HNRNPD: variants seen among roughly 807,000 people sequenced by gnomAD.
The protein encoded by HNRNPD is heterogeneous nuclear ribonucleoprotein D0.
Under a neutral mutation model 47.9 loss-of-function variants are expected in HNRNPD, and 3 were observed. The ratio of observed to expected loss-of-function variants is 0.06; its 90% confidence interval spans 0.03 to 0.16. The LOEUF is 0.16. Among genes scored for constraint, HNRNPD ranks in the 10% least tolerant of loss-of-function variants. HNRNPD has a pLI of 1.00. For missense variants in HNRNPD, 287 were observed against 454.2 expected, an observed-to-expected ratio of 0.63 and a Z score of 3.35; for synonymous variants, 171 against 165.1, an observed-to-expected ratio of 1.04 and a Z score of -0.28.
intron 2 of HNRNPD, among the ~76,000 whole-genome samples, chr4:82,362,666 A>G (rs2556544): frequency 0.38 from 57,837 of 151,954 alleles, 13,222 homozygotes; most frequent in South Asian, 0.65. Flanking sequence ...GCAGTGGCAC[A>G]ATCTCAGCTC....
chr4:82,373,068 G>A, intron 1 of HNRNPD: 1 of 476,682 alleles, frequency 2.1e-6, no homozygotes, highest in South Asian at 1.5e-5. Context: ...TTATGCCCAA[G>A]ACTGTAGAAA....
At chr4:82,363,017 T>C (rs1307419994) in intron 2 of HNRNPD, among the ~76,000 whole-genome samples, 1 of 147,802 alleles carries the variant, frequency 6.8e-6, no homozygotes, top group Non-Finnish European at 1.5e-5. Context: ...GATGGCATAA[T>C]GATTTTATAT....
At chr4:82,358,583 G>C in intron 4 of HNRNPD, 76 bp downstream of exon 4, 1 of 1,337,500 alleles carries the variant, frequency 7.5e-7, no homozygotes, top group Non-Finnish European at 1.0e-6. Flanking sequence ...AAAGCCAAGT[G>C]ACTCTGAGTC....
chr4:82,373,275 A>T (rs1720177240), intron 1 of HNRNPD, 171 bp downstream of exon 1: 1 of 875,986 alleles, frequency 1.1e-6, no homozygotes, highest in African/African-American at 1.7e-5. Context: ...CAAAGGAAGA[A>T]GGAAATGAAG....
chr4:82,360,437 G>T (rs13136755), intron 2 of HNRNPD, among the ~76,000 whole-genome samples: 1 of 151,756 alleles, frequency 6.6e-6, no homozygotes, highest in Non-Finnish European at 1.5e-5. Context: ...AGAAAGTTCA[G>T]ATCTGGCAGC....
At position 82,352,663 on chromosome 4, in the gene HNRNPD, G is replaced by A. The variant is rs961360688; in HGVS notation, c.*1522C>T. On this transcript the variant is annotated 3_prime_UTR_variant, in exon 9 of 9. Transcript: ENST00000313899. ...AGACTGTAAATTATTTTGCTTTGCA[G>A]GTCTCTGTCCTAACTACTAAACTCT... 1.3e-5 allele frequency: 2 copies of A among 152,108 alleles called. No individual in the cohort carries two copies. Among genetic ancestry groups the A allele is most frequent in the African/African-American group, 2.4e-5 (1 of 41,408 alleles). 9.4% of individuals were successfully genotyped at this position (152,108 alleles called of 1,614,324 possible).
intron 4 of HNRNPD, chr4:82,358,003 G>A (rs1723795650): frequency 6.6e-6 from 1 of 152,262 alleles, no homozygotes; most frequent in Non-Finnish European, 1.5e-5. Context: ...TTTCAATCAA[G>A]CAATAAATGT....
intron 2 of HNRNPD, among the ~76,000 whole-genome samples, chr4:82,364,644 A>C (rs1719663378): frequency 6.6e-6 from 1 of 152,226 alleles, no homozygotes. Context: ...AGAAATTTTT[A>C]AATAGTCCAT....
At chr4:82,369,436 T>C (rs1321606787) in intron 2 of HNRNPD, among the ~76,000 whole-genome samples, 1 of 152,222 alleles carries the variant, frequency 6.6e-6, no homozygotes, top group Non-Finnish European at 1.5e-5. Context: ...TGTCCATTCT[T>C]ACATGCAAAA....
chr4:82,360,889 T>C (rs1174361800), intron 2 of HNRNPD, among the ~76,000 whole-genome samples: 1 of 152,180 alleles, frequency 6.6e-6, no homozygotes, highest in Non-Finnish European at 1.5e-5. Flanking sequence ...ACCACAGTCT[T>C]GTTTTACTTC....
At chr4:82,370,538 CCT>C (rs1719990539) in intron 2 of HNRNPD, among the ~76,000 whole-genome samples, 1 of 151,230 alleles carries the variant, frequency 6.6e-6, no homozygotes. Context: ...TTTTTTTTTT[CCT>C]CTTTTTTGCT....
intron 5 of HNRNPD, 55 bp from the exon 6 acceptor site, chr4:82,356,950 A>G (rs1158590739): frequency 7.6e-6 from 11 of 1,440,114 alleles, no homozygotes; most frequent in Non-Finnish European, 9.8e-6. Context: ...AAGTTGCTAA[A>G]TAAGTTTCTA....
chr4:82,360,291 A>G (rs577306389), intron 2 of HNRNPD, among the ~76,000 whole-genome samples: 13 of 152,294 alleles, frequency 8.5e-5, no homozygotes, highest in African/African-American at 2.4e-4. Context: ...AACCAGCAAT[A>G]AAGTATTTAA....
At chr4:82,366,432 C>G (rs1004563038) in intron 2 of HNRNPD, among the ~76,000 whole-genome samples, 17 of 152,078 alleles carry the variant, frequency 1.1e-4, no homozygotes, top group African/African-American at 3.4e-4. Context: ...TTAGTAGAGA[C>G]AGGGTTTCAA....
At chr4:82,362,455 T>C (rs575639996) in intron 2 of HNRNPD, among the ~76,000 whole-genome samples, 7 of 151,536 alleles carry the variant, frequency 4.6e-5, no homozygotes, top group Non-Finnish European at 7.4e-5. Flanking sequence ...TCAAAAAAGG[T>C]TGTTGTTCTC....
At chr4:82,368,076 ATAAGT>A (rs1476362816) in intron 2 of HNRNPD, among the ~76,000 whole-genome samples, 1 of 152,180 alleles carries the variant, frequency 6.6e-6, no homozygotes, top group Non-Finnish European at 1.5e-5. Flanking sequence ...TTGGACTAAC[ATAAGT>A]TATGTTTCAC....
At chr4:82,373,165 A>C (rs976777430) in intron 1 of HNRNPD, 4 of 640,688 alleles carry the variant, frequency 6.2e-6, no homozygotes, top group East Asian at 6.5e-5. Context: ...CGGTGGGAGG[A>C]GACCCATGGC....
At chr4:82,355,743 C>T (rs949069605) in intron 7 of HNRNPD, 33 of 294,888 alleles carry the variant, frequency 1.1e-4, no homozygotes, top group African/African-American at 6.9e-4. Context: ...AATTGTCAAC[C>T]ACAATCAGTG....
chr4:82,366,492 C>T (rs1027234328), intron 2 of HNRNPD, among the ~76,000 whole-genome samples: 1 of 152,132 alleles, frequency 6.6e-6, no homozygotes, highest in Non-Finnish European at 1.5e-5. Context: ...GATTCGCTTG[C>T]GTCAGCCTCC....
Sources: gnomAD v4.1 joint callset for allele counts (sites outside exome capture counted in the v4.1 genomes callset) on GRCh38, gnomAD v4.1.1 for gene constraint, MANE v1.5 for transcripts, NCBI Gene and HGNC (gene_info 2026-07-23, HGNC 2026-07-21) for gene names.